TANC2: variants seen among roughly 807,000 people sequenced by gnomAD.
TANC2 encodes the protein protein TANC2.
In TANC2, 26 loss-of-function variants were observed where a neutral mutation model predicts 210.5. The observed-to-expected ratio is 0.12, with a 90% CI of 0.09 to 0.17. The LOEUF (loss-of-function observed/expected upper bound fraction) is 0.17, where lower values mean the gene tolerates loss of function less well. Ranked by LOEUF, TANC2 falls within the 10% of genes least tolerant of loss-of-function variation. The probability of loss-of-function intolerance (pLI) is 1.00; values close to 1 mark genes in which losing one functional copy is unlikely to be tolerated. For missense variants in TANC2, 2,129 were observed against 2,608.9 expected (o/e 0.82, Z 4.01); for synonymous variants, 931 against 967.1 (o/e 0.96, Z 0.69).
chr17:63,417,311 C>T (rs1197080684), intron 26 of TANC2, among the ~76,000 whole-genome samples: 1 of 152,188 alleles, frequency 6.6e-6, no homozygotes, highest in African/African-American at 2.4e-5. Flanking sequence ...TAACCAGAGG[C>T]TACCATGCTA....
intron 9 of TANC2, among the ~76,000 whole-genome samples, chr17:63,293,573 T>C (rs556832702): frequency 5.9e-5 from 9 of 152,170 alleles, no homozygotes; most frequent in Non-Finnish European, 1.3e-4. Context: ...TGAATAAATA[T>C]GCATTAGTCA....
intron 9 of TANC2, among the ~76,000 whole-genome samples, chr17:63,311,548 A>T (rs1368530248): frequency 6.6e-6 from 1 of 152,200 alleles, no homozygotes; most frequent in Admixed American, 6.5e-5. Context: ...ATAAGAATAT[A>T]GTAAAAGCCA....
At chr17:63,289,366 T>C (rs2044317377) in intron 9 of TANC2, among the ~76,000 whole-genome samples, 1 of 152,174 alleles carries the variant, frequency 6.6e-6, no homozygotes, top group Non-Finnish European at 1.5e-5. Flanking sequence ...TGGGTTTTTT[T>C]CAGTCTTCGT....
chr17:63,332,168 C>T (rs2045878752), intron 11 of TANC2: 3 of 352,142 alleles, frequency 8.5e-6, no homozygotes, highest in South Asian at 7.4e-5. Flanking sequence ...TCAAAAGTTG[C>T]AAAGCCACAC....
At chr17:63,125,458 GT>G (rs934007517) in intron 4 of TANC2, among the ~76,000 whole-genome samples, 1 of 152,126 alleles carries the variant, frequency 6.6e-6, no homozygotes, top group Non-Finnish European at 1.5e-5. Context: ...GGTAGGCTGA[GT>G]TTTTTAAGTG....
At chr17:63,128,349 C>A (rs1183768116) in intron 4 of TANC2, among the ~76,000 whole-genome samples, 1 of 152,004 alleles carries the variant, frequency 6.6e-6, no homozygotes, top group African/African-American at 2.4e-5. Flanking sequence ...AACTCATACG[C>A]CCCACAAATG....
intron 3 of TANC2, among the ~76,000 whole-genome samples, chr17:63,089,896 G>A (rs2037117285): frequency 6.6e-6 from 1 of 151,972 alleles, no homozygotes; most frequent in Non-Finnish European, 1.5e-5. Flanking sequence ...AATCATAAGT[G>A]TACAGTGAGT....
At chr17:63,052,483 T>C (rs9894178) in intron 2 of TANC2, among the ~76,000 whole-genome samples, 2,895 of 152,278 alleles carry the variant, frequency 0.019, 96 homozygotes, top group African/African-American at 0.066. Context: ...TTGAATGTCA[T>C]TGAGTAGTTT....
intron 14 of TANC2, among the ~76,000 whole-genome samples, chr17:63,362,728 G>C (rs562411928): frequency 1.3e-5 from 2 of 152,342 alleles, no homozygotes; most frequent in African/African-American, 4.8e-5. Flanking sequence ...TCCGAAATCA[G>C]AGTGGGCACT....
At chr17:63,015,785 A>G (rs2034080786) in intron 2 of TANC2, among the ~76,000 whole-genome samples, 1 of 152,056 alleles carries the variant, frequency 6.6e-6, no homozygotes, top group Non-Finnish European at 1.5e-5. Context: ...TAAATGAGCT[A>G]TAAAGAAAAT....
chr17:62,977,891 A>G (rs1201186102), intron 1 of TANC2, among the ~76,000 whole-genome samples: 4 of 152,336 alleles, frequency 2.6e-5, no homozygotes, highest in African/African-American at 4.8e-5. Context: ...TCAAAAATAT[A>G]TAAGCATATA....
chr17:63,423,316 C>T (rs979992203), exon 28 of TANC2: 1 of 152,146 alleles, frequency 6.6e-6, no homozygotes, highest in Non-Finnish European at 1.5e-5. Context: ...GATCTTGAAG[C>T]TTGTCTAGAA....
At chr17:63,021,382 T>G (rs559531536) in intron 2 of TANC2, among the ~76,000 whole-genome samples, 1 of 152,330 alleles carries the variant, frequency 6.6e-6, no homozygotes, top group Admixed American at 6.5e-5. Context: ...TAAGGTGGAT[T>G]AATGTCTTTC....
At chr17:63,239,628 A>G (rs1203646233) in intron 8 of TANC2, among the ~76,000 whole-genome samples, 1 of 152,198 alleles carries the variant, frequency 6.6e-6, no homozygotes, top group East Asian at 1.9e-4. Flanking sequence ...TTATATAGTG[A>G]CAGGAAATTT....
At chr17:63,002,936 G>T (rs192177479) in intron 1 of TANC2, among the ~76,000 whole-genome samples, 40 of 152,212 alleles carry the variant, frequency 2.6e-4, no homozygotes, top group Admixed American at 1.2e-3. Flanking sequence ...GAAAATTGTT[G>T]TACTAGTCTT....
At chr17:63,215,984 C>A (rs934202126) in intron 7 of TANC2, among the ~76,000 whole-genome samples, 7 of 152,106 alleles carry the variant, frequency 4.6e-5, no homozygotes, top group African/African-American at 1.7e-4. Flanking sequence ...ATCTCCTGAC[C>A]TCATGATCTG....
intron 5 of TANC2, among the ~76,000 whole-genome samples, chr17:63,180,854 T>C (rs2040755848): frequency 6.6e-6 from 1 of 151,456 alleles, no homozygotes; most frequent in Non-Finnish European, 1.5e-5. Flanking sequence ...TGAAACCGTG[T>C]CTCTACTAAA....
At chr17:63,062,532 T>C (rs1264520440) in intron 2 of TANC2, among the ~76,000 whole-genome samples, 2 of 152,116 alleles carry the variant, frequency 1.3e-5, no homozygotes, top group African/African-American at 4.8e-5. Flanking sequence ...GTTCTTAGAG[T>C]GGGCAAACAC....
At chr17:63,379,681 A>C (rs2047543369) in intron 14 of TANC2, 37 bp from the exon 15 acceptor site, 2 of 1,478,020 alleles carry the variant, frequency 1.4e-6, no homozygotes, top group East Asian at 2.4e-5. Flanking sequence ...TAAATAAATA[A>C]ATTAATTAAT....
Sources: gnomAD v4.1 joint callset for allele counts (sites outside exome capture counted in the v4.1 genomes callset) on GRCh38, gnomAD v4.1.1 for gene constraint, MANE v1.5 for transcripts, NCBI Gene and HGNC (gene_info 2026-07-23, HGNC 2026-07-21) for gene names.